The following METTL24 variants were observed in gnomAD, a reference collection of about 807,000 sequenced individuals.
METTL24 encodes probable methyltransferase-like protein 24.
METTL24 carries 29 observed loss-of-function variants against 32.7 expected under a neutral mutation model. That is an observed-to-expected ratio of 0.89 (90% CI 0.66 to 1.21). METTL24 has a LOEUF of 1.21. METTL24 is among the 50% of genes most tolerant of loss of function. The pLI is 0.00. For missense variants in METTL24, 439 were observed against 468.1 expected (o/e 0.94, Z 0.57); for synonymous variants, 163 against 179.5 (o/e 0.91, Z 0.73).
rs542845282 is a variant in METTL24 at position 110,333,680 on chromosome 6, G to A, written c.319-10808C>T. On this transcript the variant is annotated intron_variant, in intron 1 of 4. Transcript: ENST00000338882. ...TGGTCTCAAGCTCGTGACCTCAAAT[G>A]ACCTGCCCACCTCGGCCTCCCAAAG... Among the ~76,000 whole-genome samples, 17 of 152,234 alleles carry A rather than the reference G, an allele frequency of 1.1e-4. No individual in the cohort carries two copies. The South Asian group carries it at 3.1e-3, about 28-fold the overall frequency.
intron 1 of METTL24, among the ~76,000 whole-genome samples, chr6:110,324,798 T>C (rs182475991): frequency 6.6e-6 from 1 of 152,322 alleles, no homozygotes; most frequent in Non-Finnish European, 1.5e-5. Flanking sequence ...CTGAATTCGA[T>C]GTTGATTACC....
intron 4 of METTL24, among the ~76,000 whole-genome samples, chr6:110,290,441 T>G (rs1368028160): frequency 6.6e-6 from 1 of 152,196 alleles, no homozygotes; most frequent in Non-Finnish European, 1.5e-5. Context: ...TAACAGGTGG[T>G]TTTTTGAATC....
At chr6:110,332,620 T>A (rs1772128228) in intron 1 of METTL24, 1 of 353,690 alleles carries the variant, frequency 2.8e-6, no homozygotes. Flanking sequence ...TATATAAGAA[T>A]GTTTCGGCCA....
At position 110,315,429 on chromosome 6, in the gene METTL24, G is replaced by A; in HGVS notation, c.470C>T (p.Thr157Ile). 6.2e-7 allele frequency: 1 copy of A among 1,614,144 alleles called. No homozygotes were observed. The highest frequency in any genetic ancestry group is 8.5e-7 in the Non-Finnish European group (1 of 1,179,990). Reference sequence around the variant, plus strand: ...AAGACACACTGACCAGGGCTTGTGTGTAGGACTAGAGTCAGTAGCCAGGCT... The same window carrying A: ...AAGACACACTGACCAGGGCTTGTGTATAGGACTAGAGTCAGTAGCCAGGCT... Reference protein sequence around the residue: ...TDSLATDSSPTHKPWSVCLDD... With the variant: ...TDSLATDSSPIHKPWSVCLDD... Residue 157 changes from threonine (T) to isoleucine (I), a missense_variant, in exon 3 of 5, where the codon ACA (threonine) becomes ATA (isoleucine). Thr to Ile is a moderately conservative substitution (Grantham distance 89). Coordinates refer to ENST00000338882, the MANE Select transcript of METTL24 (RefSeq NM_001123364.3).
chr6:110,351,624 T>A (rs1415335845), intron 1 of METTL24, among the ~76,000 whole-genome samples: 1 of 152,210 alleles, frequency 6.6e-6, no homozygotes, highest in Non-Finnish European at 1.5e-5. Context: ...ACCAAATACT[T>A]AAGGCATGCC....
intron 4 of METTL24, among the ~76,000 whole-genome samples, chr6:110,298,485 G>C (rs1771461246): frequency 6.6e-6 from 1 of 151,816 alleles, no homozygotes; most frequent in African/African-American, 2.4e-5. Flanking sequence ...GTTCAAAATA[G>C]TGAGAAACAT....
At chr6:110,326,598 TAATTTG>T (rs1483880155) in intron 1 of METTL24, among the ~76,000 whole-genome samples, 1 of 152,212 alleles carries the variant, frequency 6.6e-6, no homozygotes, top group Non-Finnish European at 1.5e-5. Context: ...TCAAACTGGC[TAATTTG>T]AGAGAATTTA....
chr6:110,295,825 G>GGAAGGAAGGAAGGAAGGAAA (rs1771406374), intron 4 of METTL24, among the ~76,000 whole-genome samples: 1 of 151,736 alleles, frequency 6.6e-6, no homozygotes, highest in African/African-American at 2.4e-5. Flanking sequence ...AAGGAAGGAA[G>GGAAGGAAGGAAGGAAGGAAA]GAAGGAAGGA....
intron 3 of METTL24, among the ~76,000 whole-genome samples, chr6:110,302,540 T>TAC (rs769357594): frequency 9.4e-6 from 1 of 105,930 alleles, no homozygotes; most frequent in Non-Finnish European, 1.7e-5. Flanking sequence ...TATACACATA[T>TAC]ACACACACAT....
At chr6:110,346,395 C>A (rs1306020389) in intron 1 of METTL24, among the ~76,000 whole-genome samples, 1 of 151,904 alleles carries the variant, frequency 6.6e-6, no homozygotes, top group Non-Finnish European at 1.5e-5. Flanking sequence ...AGCGGTAATG[C>A]TATGGAGAAA....
intron 1 of METTL24, among the ~76,000 whole-genome samples, chr6:110,351,443 T>C (rs1249184884): frequency 1.3e-5 from 2 of 152,116 alleles, no homozygotes; most frequent in South Asian, 2.1e-4. Context: ...TAGATGGGTA[T>C]AGACATATGT....
At chr6:110,247,239 G>C (rs1046485473) in intron 4 of METTL24, among the ~76,000 whole-genome samples, 1 of 152,176 alleles carries the variant, frequency 6.6e-6, no homozygotes, top group African/African-American at 2.4e-5. Context: ...TGCTGTAAGG[G>C]TGATTCTGTG....
Position 110,334,603 on chromosome 6 carries a change from G to C in METTL24, c.319-11731C>G, listed in dbSNP as rs1772175574. ...CGAGTAGACAGGCCCAGGGGTTGGG[G>C]GATGGGGGAGAGCAAAGCCACACAC... On this transcript the variant is annotated intron_variant, in intron 1 of 4. Transcript: ENST00000338882. Among the ~76,000 whole-genome samples, 3 of 152,152 alleles carry C rather than the reference G, an allele frequency of 2.0e-5. No individual in the cohort carries two copies. The South Asian group carries it at 6.2e-4, about 32-fold the overall frequency.
chr6:110,334,104 A>G (rs573053800), intron 1 of METTL24, among the ~76,000 whole-genome samples: 4 of 151,616 alleles, frequency 2.6e-5, no homozygotes, highest in African/African-American at 9.7e-5. Context: ...GAGAGAAAAC[A>G]GAGGAAAGGG....
At chr6:110,357,724 C>T (rs1014874964) in intron 1 of METTL24, 5 of 202,330 alleles carry the variant, frequency 2.5e-5, no homozygotes, top group Non-Finnish European at 4.9e-5. Flanking sequence ...CGGCGACCCC[C>T]AAGTACTGGC....
At chr6:110,267,277 A>C (rs1394933480) in intron 4 of METTL24, among the ~76,000 whole-genome samples, 2 of 152,246 alleles carry the variant, frequency 1.3e-5, no homozygotes, top group Non-Finnish European at 2.9e-5. Flanking sequence ...ATGAAATAAG[A>C]AAGAAAAACC....
intron 2 of METTL24, among the ~76,000 whole-genome samples, chr6:110,321,715 G>A (rs867788758): frequency 1.3e-5 from 2 of 152,144 alleles, no homozygotes; most frequent in Middle Eastern, 3.2e-3. Flanking sequence ...AAGCTTTTAC[G>A]TCCATGTTTG....
At position 110,318,498 on chromosome 6, in the gene METTL24, A is replaced by G. The variant is rs145483529; in HGVS notation, c.418-3017T>C. Among the ~76,000 whole-genome samples the G allele has an allele frequency of 2.5e-3, 378 of 152,086 alleles. 2 individuals carry two copies. The highest frequency in any genetic ancestry group is 8.1e-3 in the African/African-American group (334 of 41,480). On this transcript the variant is annotated intron_variant, in intron 2 of 4. Transcript: ENST00000338882. ...CCCCGCCTTTACTAAAAAAAAACAT[A>G]CAAAAGTTAGCCGGACATACTGGCA...
intron 4 of METTL24, among the ~76,000 whole-genome samples, chr6:110,257,568 T>G (rs940141754): frequency 6.6e-6 from 1 of 151,978 alleles, no homozygotes; most frequent in Non-Finnish European, 1.5e-5. Context: ...CACAGCAGCA[T>G]CACCGAGATG....
Sources: allele counts gnomAD v4.1 joint callset (sites outside exome capture counted in the v4.1 genomes callset), GRCh38; gene constraint gnomAD v4.1.1; transcripts MANE v1.5; gene names NCBI Gene and HGNC (gene_info 2026-07-23, HGNC 2026-07-21).